The following FGF13 variants were observed in gnomAD, a reference collection of about 807,000 sequenced individuals.
FGF13 encodes fibroblast growth factor 13.
A neutral mutation model predicts 19.5 loss-of-function variants in FGF13; 2 were observed. The ratio of observed to expected loss-of-function variants is 0.10; its 90% CI spans 0.04 to 0.32. The LOEUF is 0.32. FGF13 is among the 10% of genes least tolerant of loss of function. The pLI, the probability that FGF13 is intolerant of heterozygous loss-of-function variation, is 1.00. For missense variants in FGF13, 113 were observed against 192.7 expected, an observed-to-expected ratio of 0.59 and a Z score of 2.45; for synonymous variants, 72 against 76.9, an observed-to-expected ratio of 0.94 and a Z score of 0.33.
intron 1 of FGF13, among the ~76,000 whole-genome samples, chrX:138,942,956 T>C (rs893704581): frequency 2.7e-5 from 3 of 111,854 alleles, no homozygotes; most frequent in Non-Finnish European, 5.6e-5. Flanking sequence ...GCCTGACAAA[T>C]AGTTTCTGAA....
At position 138,620,974 on chromosome X, in the gene FGF13, A is replaced by G. The variant is rs905907637; in HGVS notation, c.*11876T>C. Reference sequence around the variant, plus strand: ...ACACACCCAACATTGGATCACCTAAATATATAAAGCAGGTATTAATAGATA... The same window carrying G: ...ACACACCCAACATTGGATCACCTAAGTATATAAAGCAGGTATTAATAGATA... On this transcript the variant is annotated 3_prime_UTR_variant, in exon 5 of 5. Coordinates refer to ENST00000315930, the MANE Select transcript of FGF13 (RefSeq NM_004114.5). 6 of 111,987 alleles carry G rather than the reference A, an allele frequency of 5.4e-5. No individual in the cohort carries two copies. Among genetic ancestry groups the G allele is most frequent in the African/African-American group, 1.9e-4 (6 of 30,899 alleles). 9.2% of individuals were successfully genotyped at this position (111,987 alleles called of 1,213,427 possible).
intron 1 of FGF13, among the ~76,000 whole-genome samples, chrX:138,894,719 A>T (rs2091494558): frequency 9.0e-6 from 1 of 111,360 alleles, no homozygotes; most frequent in Admixed American, 9.5e-5. Context: ...TCACAGCCGA[A>T]TTCTACCAGA....
chrX:139,149,096 G>A (rs761762029), intron 1 of FGF13, among the ~76,000 whole-genome samples: 2 of 111,788 alleles, frequency 1.8e-5, no homozygotes, highest in Admixed American at 9.5e-5. Flanking sequence ...CAGTCTTGGC[G>A]ATTTGGTGAA....
At chrX:139,162,472 T>C (rs1284807551) in intron 1 of FGF13, among the ~76,000 whole-genome samples, 14 of 112,031 alleles carry the variant, frequency 1.2e-4, no homozygotes, top group African/African-American at 4.5e-4. Flanking sequence ...GTTCAGGACA[T>C]AGGCACGGGC....
At chrX:138,947,633 C>A (rs755733529) in intron 1 of FGF13, among the ~76,000 whole-genome samples, 1 of 111,384 alleles carries the variant, frequency 9.0e-6, no homozygotes, top group African/African-American at 3.3e-5. Flanking sequence ...GTGTATACTA[C>A]GAGGCTAACG....
intron 1 of FGF13, among the ~76,000 whole-genome samples, chrX:138,977,952 C>T (rs182529141): frequency 3.6e-5 from 4 of 111,841 alleles, no homozygotes; most frequent in Admixed American, 9.5e-5. Flanking sequence ...ATATCAAATA[C>T]GATGAAAAAC....
chrX:138,977,708 G>T (rs2091945425), intron 1 of FGF13, among the ~76,000 whole-genome samples: 1 of 112,119 alleles, frequency 8.9e-6, no homozygotes, highest in African/African-American at 3.2e-5. Context: ...CACAGATGAA[G>T]TGTGAGAAAT....
At chrX:138,792,158 A>T (rs1338077466) in intron 3 of FGF13, among the ~76,000 whole-genome samples, 2 of 112,309 alleles carry the variant, frequency 1.8e-5, no homozygotes, top group Non-Finnish European at 3.8e-5. Context: ...CATGCATGGC[A>T]GAATGTCTAG....
chrX:138,838,877 T>C (rs773686363), intron 3 of FGF13, among the ~76,000 whole-genome samples: 1 of 111,762 alleles, frequency 8.9e-6, no homozygotes, highest in East Asian at 2.8e-4. Flanking sequence ...TGAAATAAGA[T>C]TGCTGGGGCT....
intron 3 of FGF13, among the ~76,000 whole-genome samples, chrX:138,766,621 A>G (rs1441422500): frequency 8.9e-6 from 1 of 112,110 alleles, no homozygotes; most frequent in Non-Finnish European, 1.9e-5. Flanking sequence ...CATAGCTGAG[A>G]TGGCTGATGT....
chrX:138,773,304 G>C (rs1004711062), intron 3 of FGF13, among the ~76,000 whole-genome samples: 1 of 111,715 alleles, frequency 9.0e-6, no homozygotes, highest in African/African-American at 3.3e-5. Context: ...GGGGTCACTT[G>C]CAGCCCTTCC....
At chrX:138,938,871 T>C (rs999855322) in intron 1 of FGF13, among the ~76,000 whole-genome samples, 3 of 111,263 alleles carry the variant, frequency 2.7e-5, no homozygotes, top group Non-Finnish European at 5.7e-5. Flanking sequence ...TTAGGTACGT[T>C]TCTCATGCAG....
At chrX:138,661,420 A>G (rs777092141) in intron 3 of FGF13, among the ~76,000 whole-genome samples, 3 of 111,785 alleles carry the variant, frequency 2.7e-5, no homozygotes, top group Non-Finnish European at 5.6e-5. Context: ...TCAGTTTCTT[A>G]AGTTCTGATG....
Position 139,000,504 on chromosome X carries a change from C to A in FGF13, c.-112-135854G>T, listed in dbSNP as rs2092067822. 8.9e-5 allele frequency among the ~76,000 whole-genome samples: 10 copies of A among 111,931 alleles called. No homozygotes were observed. The Admixed American group carries it at 9.5e-4, about 11-fold the overall frequency. On this transcript the variant is annotated intron_variant, in intron 1 of 2. Coordinates refer to the FGF13 transcript ENST00000421460. Reference sequence around the variant, plus strand: ...TCAGCAAAGTCTCAGGATACAAAATCAATGTGCAAAAATCACAAGCATTCC... The same window carrying A: ...TCAGCAAAGTCTCAGGATACAAAATAAATGTGCAAAAATCACAAGCATTCC...
intron 1 of FGF13, among the ~76,000 whole-genome samples, chrX:139,128,939 G>A (rs952100439): frequency 1.8e-5 from 2 of 109,597 alleles, no homozygotes; most frequent in African/African-American, 6.6e-5. Context: ...GTCTATTTCA[G>A]CACCTGCAAC....
At chrX:138,993,195 A>G (rs754262244) in intron 1 of FGF13, among the ~76,000 whole-genome samples, 3 of 112,078 alleles carry the variant, frequency 2.7e-5, no homozygotes, top group Non-Finnish European at 5.6e-5. Context: ...CAACTAATTG[A>G]AACATGAGAT....
chrX:138,916,114 C>T (rs1405723040), intron 1 of FGF13, among the ~76,000 whole-genome samples: 1 of 111,834 alleles, frequency 8.9e-6, no homozygotes, highest in Non-Finnish European at 1.9e-5. Flanking sequence ...TTTGGGAGAC[C>T]TGTTGATCAC....
At chrX:138,981,789 C>T (rs987460836) in intron 1 of FGF13, among the ~76,000 whole-genome samples, 1 of 111,302 alleles carries the variant, frequency 9.0e-6, no homozygotes, top group Non-Finnish European at 1.9e-5. Context: ...AGTCCCCTTA[C>T]CCTTTTTCTC....
chrX:138,853,850 T>C (rs2091241205), downstream of FGF13, among the ~76,000 whole-genome samples: 1 of 111,639 alleles, frequency 9.0e-6, no homozygotes, highest in Non-Finnish European at 1.9e-5. Flanking sequence ...CACTATCTAC[T>C]TGCAAGCATA....
Sources: allele counts gnomAD v4.1 joint callset (sites outside exome capture counted in the v4.1 genomes callset), GRCh38; gene constraint gnomAD v4.1.1; transcripts MANE v1.5; gene names NCBI Gene and HGNC (gene_info 2026-07-23, HGNC 2026-07-21).